Variants in ZNF804B observed in about 807,000 individuals in gnomAD.
ZNF804B encodes the protein zinc finger protein 804B, also known as zinc finger 804B.
ZNF804B carries 80 observed loss-of-function variants against 101.4 expected under a neutral mutation model. The observed-to-expected ratio is 0.79, with a 90% confidence interval of 0.66 to 0.95. The LOEUF (loss-of-function observed/expected upper bound fraction) is 0.95. Among genes scored for constraint, ZNF804B ranks in the 40% least tolerant of loss-of-function variants. The pLI, the probability that ZNF804B is intolerant of heterozygous loss-of-function variation, is 0.00. For missense variants in ZNF804B, 1,673 were observed against 1,561.9 expected, an observed-to-expected ratio of 1.07 and a Z score of -1.20; for synonymous variants, 622 against 558.8, an observed-to-expected ratio of 1.11 and a Z score of -1.59.
chr7:88,832,111 G>A (rs1394802208), intron 1 of ZNF804B, among the ~76,000 whole-genome samples: 3 of 151,314 alleles, frequency 2.0e-5, no homozygotes, highest in African/African-American at 7.3e-5. Flanking sequence ...AAACAATTGT[G>A]GCATATGCAT....
chr7:88,784,184 T>C (rs1429243403), intron 1 of ZNF804B, among the ~76,000 whole-genome samples: 1 of 152,102 alleles, frequency 6.6e-6, no homozygotes, highest in East Asian at 1.9e-4. Context: ...ATCCATAAAG[T>C]ATATAGAACA....
chr7:89,221,690 A>ATTTCT lies in ZNF804B; in HGVS notation c.249+3396_249+3400dup, dbSNP rs1299550631. Among the ~76,000 whole-genome samples the ATTTCT allele has an allele frequency of 1.9e-3, 224 of 116,172 alleles. 1 individual carries two copies. The highest frequency in any genetic ancestry group is 6.6e-3 in the African/African-American group (207 of 31,228). 76.2% of individuals were successfully genotyped at this position (116,172 alleles called of 152,430 possible). On this transcript the variant is annotated intron_variant, in intron 2 of 3. Coordinates refer to ENST00000333190, the MANE Select transcript of ZNF804B (RefSeq NM_181646.5). The stretch of plus-strand genomic sequence containing the variant: ...ATGTTGATAAACAACCTTCCTCAAT[A>ATTTCT]TTTCTATTCTATTCTATTCTATTCT...
intron 1 of ZNF804B, among the ~76,000 whole-genome samples, chr7:88,831,881 C>T (rs1405254121): frequency 6.6e-6 from 1 of 151,654 alleles, no homozygotes; most frequent in African/African-American, 2.4e-5. Context: ...CTCCATGTTG[C>T]CTTTTAAAAT....
intron 1 of ZNF804B, among the ~76,000 whole-genome samples, chr7:89,082,524 A>C (rs915266708): frequency 6.6e-6 from 1 of 151,818 alleles, no homozygotes; most frequent in African/African-American, 2.4e-5. Context: ...ACTAAGGAGT[A>C]GAAAATTATA....
chr7:88,865,335 C>T (rs1791710960), intron 1 of ZNF804B, among the ~76,000 whole-genome samples: 2 of 151,740 alleles, frequency 1.3e-5, no homozygotes, highest in South Asian at 2.1e-4. Flanking sequence ...AGTTCTAGAT[C>T]AGCCTGGGCA....
chr7:88,804,664 A>G (rs1790657581), intron 1 of ZNF804B, among the ~76,000 whole-genome samples: 2 of 152,124 alleles, frequency 1.3e-5, no homozygotes, highest in South Asian at 4.1e-4. Flanking sequence ...TACAAATTTT[A>G]TTATGATTGG....
At chr7:88,904,951 A>T (rs1325919721) in intron 1 of ZNF804B, among the ~76,000 whole-genome samples, 1 of 152,128 alleles carries the variant, frequency 6.6e-6, no homozygotes, top group Non-Finnish European at 1.5e-5. Context: ...CTTTCTCTTA[A>T]CTTACTGCTC....
chr7:89,110,355 T>G (rs1790199049), intron 1 of ZNF804B, among the ~76,000 whole-genome samples: 1 of 152,126 alleles, frequency 6.6e-6, no homozygotes, highest in African/African-American at 2.4e-5. Flanking sequence ...AATTTGCAAT[T>G]TAAAAACATC....
intron 1 of ZNF804B, among the ~76,000 whole-genome samples, chr7:88,822,034 C>T (rs78053844): frequency 0.041 from 6,246 of 152,196 alleles, 448 homozygotes; most frequent in African/African-American, 0.14. Flanking sequence ...CTAGTACAAA[C>T]GGTCATTGAC....
chr7:89,062,304 C>T (rs942552108), intron 1 of ZNF804B, among the ~76,000 whole-genome samples: 8 of 152,016 alleles, frequency 5.3e-5, no homozygotes, highest in African/African-American at 1.7e-4. Context: ...TCATCAGCAG[C>T]CTCTTGCTTT....
chr7:89,016,665 T>G (rs1788567141), intron 1 of ZNF804B, among the ~76,000 whole-genome samples: 1 of 151,964 alleles, frequency 6.6e-6, no homozygotes, highest in Admixed American at 6.6e-5. Context: ...TGGCATTATT[T>G]CTGAGGGCTC....
At chr7:88,812,673 CAT>C (rs1322261996) in intron 1 of ZNF804B, among the ~76,000 whole-genome samples, 22 of 152,116 alleles carry the variant, frequency 1.4e-4, no homozygotes, top group African/African-American at 4.6e-4. Context: ...TATATATGTA[CAT>C]GTGTATGTAC....
At chr7:88,794,412 TTGTG>T (rs778458931) in intron 1 of ZNF804B, 24 of 1,613,664 alleles carry the variant, frequency 1.5e-5, no homozygotes, top group Non-Finnish European at 1.9e-5. Context: ...GTTTATGAGT[TTGTG>T]TGAGAAAATC....
intron 2 of ZNF804B, among the ~76,000 whole-genome samples, chr7:89,287,274 C>A (rs187879085): frequency 1.4e-4 from 22 of 152,148 alleles, no homozygotes; most frequent in African/African-American, 5.1e-4. Flanking sequence ...TACCCCTAAC[C>A]CCTGCATTTT....
chr7:89,015,578 C>T (rs1353159313), intron 1 of ZNF804B, among the ~76,000 whole-genome samples: 1 of 151,264 alleles, frequency 6.6e-6, no homozygotes, highest in Non-Finnish European at 1.5e-5. Context: ...TGAGTGAGAA[C>T]ATGCAGTGTT....
At chr7:89,001,111 A>G (rs1340395003) in intron 1 of ZNF804B, among the ~76,000 whole-genome samples, 1 of 147,884 alleles carries the variant, frequency 6.8e-6, no homozygotes, top group East Asian at 2.0e-4. Flanking sequence ...AGCAGGAGTA[A>G]GTTTAAGAAC....
chr7:89,056,707 G>A (rs760292371), intron 1 of ZNF804B, among the ~76,000 whole-genome samples: 23 of 152,110 alleles, frequency 1.5e-4, no homozygotes, highest in Non-Finnish European at 2.5e-4. Flanking sequence ...AACAAGGTTG[G>A]ATCTTACCAG....
chr7:89,170,723 A>T (rs142311020), intron 1 of ZNF804B, among the ~76,000 whole-genome samples: 1 of 152,196 alleles, frequency 6.6e-6, no homozygotes, highest in East Asian at 1.9e-4. Flanking sequence ...AAAAAGTCAC[A>T]TAATCCCCAT....
At chr7:89,217,891 C>T (rs980982159) in intron 1 of ZNF804B, among the ~76,000 whole-genome samples, 1 of 152,066 alleles carries the variant, frequency 6.6e-6, no homozygotes, top group Non-Finnish European at 1.5e-5. Flanking sequence ...GTAATAGGCA[C>T]AATCACAACC....
Sources: gnomAD v4.1 joint callset for allele counts (sites outside exome capture counted in the v4.1 genomes callset) on GRCh38, gnomAD v4.1.1 for gene constraint, MANE v1.5 for transcripts, NCBI Gene and HGNC (gene_info 2026-07-23, HGNC 2026-07-21) for gene names.